COL6A6: variants seen among roughly 807,000 people sequenced by gnomAD.
COL6A6 encodes the protein collagen alpha-6(VI) chain.
In COL6A6, 183 loss-of-function variants were observed where a neutral mutation model predicts 208.6. The ratio of observed to expected loss-of-function variants is 0.88; its 90% CI spans 0.78 to 0.99. COL6A6 has a LOEUF of 0.99. Ranked by LOEUF, COL6A6 falls within the 50% of genes least tolerant of loss-of-function variation. The pLI is 0.00. For missense variants in COL6A6, 2,816 were observed against 2,815.2 expected (o/e 1.00, Z -0.01); for synonymous variants, 973 against 1,011.8 (o/e 0.96, Z 0.73).
chr3:130,571,657 GTTGTTTTGTT>G lies in COL6A6; in HGVS notation c.2977+278_2977+287del, dbSNP rs540206506. On this transcript the variant is annotated intron_variant, in intron 7 of 36. Transcript: ENST00000358511. ...TCTTCTAATGATGGGAAATTCAAAA[GTTGTTTTGTT>G]TTGTTTTGTTTTGGCTTTTTTTTTA... is the stretch of plus-strand genomic sequence containing the variant. Among the ~76,000 whole-genome samples the G allele has an allele frequency of 2.4e-3, 359 of 152,016 alleles. 2 individuals are homozygous for G. Among genetic ancestry groups the G allele is most frequent in the South Asian group, 0.012 (58 of 4,804 alleles).
intron 8 of COL6A6, 42 bp from the exon 9 acceptor site, chr3:130,581,519 G>C: frequency 7.1e-7 from 1 of 1,417,770 alleles, no homozygotes; most frequent in Non-Finnish European, 9.6e-7. Flanking sequence ...AAATAAAGGC[G>C]TTTGTTGATT....
rs2066354088 is a variant in COL6A6, at chr3:130,676,172, G to A, written c.*775G>A. ...AATCCATATATTCTTTAGACAAGGA[G>A]AGTCAAGAAACTACTTGTCATAGAT... is the stretch of plus-strand genomic sequence containing the variant. On this transcript the variant is annotated 3_prime_UTR_variant, in exon 37 of 37. Transcript: ENST00000358511. 6.6e-6 allele frequency: 1 copy of A among 152,172 alleles called. No homozygotes were observed. Among genetic ancestry groups the A allele is most frequent in the African/African-American group, 2.4e-5 (1 of 41,440 alleles). 9.4% of individuals were successfully genotyped at this position (152,172 alleles called of 1,614,324 possible).
At chr3:130,593,533 T>G (rs528710742) in intron 17 of COL6A6, among the ~76,000 whole-genome samples, 59 of 152,304 alleles carry the variant, frequency 3.9e-4, no homozygotes, top group African/African-American at 1.4e-3. Context: ...GCCATGACCT[T>G]TTTATGCCCA....
intron 1 of COL6A6, among the ~76,000 whole-genome samples, chr3:130,541,924 T>G (rs188356834): frequency 6.6e-6 from 1 of 152,336 alleles, no homozygotes; most frequent in African/African-American, 2.4e-5. Context: ...CCATTTCATC[T>G]GAGTTATCAA....
At chr3:130,606,826 A>G in intron 20 of COL6A6, 105 bp from the exon 21 acceptor site, 1 of 772,880 alleles carries the variant, frequency 1.3e-6, no homozygotes, top group South Asian at 2.1e-5. Flanking sequence ...ACTATGTGGG[A>G]ATTGTTATGT....
At position 130,563,250 on chromosome 3, in the gene COL6A6, A is replaced by G; in HGVS notation, c.247A>G (p.Thr83Ala). Residue 83 changes from threonine (T) to alanine (A), a missense_variant, in exon 3 of 37, where the codon ACC becomes GCC. Transcript: ENST00000358511. ...DKLHSEFHLSTFKGRSPMLNH... is the reference protein window; with the variant it reads ...DKLHSEFHLSAFKGRSPMLNH... ...ACTTCACAGTGAATTCCACCTGAGC[A>G]CCTTCAAAGGCAGGAGCCCCATGCT... 1 of 1,614,030 alleles carries G rather than the reference A, an allele frequency of 6.2e-7. No homozygotes were observed. Among genetic ancestry groups the G allele is most frequent in the Non-Finnish European group, 8.5e-7 (1 of 1,179,900 alleles).
chr3:130,636,661 C>A (rs763648628), intron 28 of COL6A6, among the ~76,000 whole-genome samples: 5 of 151,774 alleles, frequency 3.3e-5, no homozygotes, highest in Non-Finnish European at 5.9e-5. Flanking sequence ...ACTATACGAT[C>A]TTTATGTATA....
At chr3:130,653,740 A>G (rs1320818296) in intron 33 of COL6A6, among the ~76,000 whole-genome samples, 1 of 152,180 alleles carries the variant, frequency 6.6e-6, no homozygotes, top group East Asian at 1.9e-4. Flanking sequence ...TTCCAGTGAT[A>G]TGTGGTAGGA....
At chr3:130,546,639 G>A (rs1181759575) in intron 1 of COL6A6, among the ~76,000 whole-genome samples, 1 of 152,088 alleles carries the variant, frequency 6.6e-6, no homozygotes, top group Non-Finnish European at 1.5e-5. Context: ...ATTTTGACAG[G>A]GTGCTGATTG....
At chr3:130,574,606 G>A (rs2063252442) in intron 8 of COL6A6, 81 bp downstream of exon 8, 1 of 1,104,650 alleles carries the variant, frequency 9.1e-7, no homozygotes, top group Admixed American at 2.2e-5. Context: ...GTCATCCCCT[G>A]GGGCTAGTGG....
At chr3:130,633,819 G>A (rs1358922463) in intron 26 of COL6A6, among the ~76,000 whole-genome samples, 1 of 22,620 alleles carries the variant, frequency 4.4e-5, no homozygotes, top group Non-Finnish European at 6.1e-5. Flanking sequence ...ACCAAACACC[G>A]CATATTCTCA....
At chr3:130,588,173 T>C (rs1203481558) in intron 11 of COL6A6, among the ~76,000 whole-genome samples, 1 of 152,214 alleles carries the variant, frequency 6.6e-6, no homozygotes, top group Non-Finnish European at 1.5e-5. Context: ...AATTTCATAA[T>C]GTCAGAAAAG....
chr3:130,642,789 T>A, intron 29 of COL6A6, 43 bp from the exon 30 acceptor site: 2 of 1,580,032 alleles, frequency 1.3e-6, no homozygotes, highest in Non-Finnish European at 1.7e-6. Flanking sequence ...TACTGATGTG[T>A]ATGTCTAGAG....
At chr3:130,578,184 C>G (rs1276471167) in intron 8 of COL6A6, among the ~76,000 whole-genome samples, 1 of 151,984 alleles carries the variant, frequency 6.6e-6, no homozygotes, top group Non-Finnish European at 1.5e-5. Flanking sequence ...TCTGATGTAT[C>G]TATCATTATG....
chr3:130,540,213 C>T (rs745850509), intron 1 of COL6A6, among the ~76,000 whole-genome samples: 1 of 152,192 alleles, frequency 6.6e-6, no homozygotes, highest in Non-Finnish European at 1.5e-5. Context: ...TTTAGCATCA[C>T]AGCAAAACGG....
intron 33 of COL6A6, 101 bp from the exon 34 acceptor site, chr3:130,658,575 G>T: frequency 1.3e-6 from 1 of 743,692 alleles, no homozygotes; most frequent in South Asian, 1.6e-5. Flanking sequence ...TTCTTAGAAG[G>T]AGCAGTGTTA....
At chr3:130,599,695 TAAAGAG>T (rs1237628929) in intron 19 of COL6A6, 56 bp from the exon 20 acceptor site, 1 of 1,566,612 alleles carries the variant, frequency 6.4e-7, no homozygotes, top group Non-Finnish European at 8.8e-7. Context: ...AAGTTGATGT[TAAAGAG>T]AAACTCTGTC....
At chr3:130,517,466 T>A (rs1271023954) in intron 1 of COL6A6, among the ~76,000 whole-genome samples, 69 bp downstream of exon 1, 1 of 152,346 alleles carries the variant, frequency 6.6e-6, no homozygotes, top group African/African-American at 2.4e-5. Flanking sequence ...AGTAGTTGGA[T>A]GGGAGGGACC....
chr3:130,574,446 G>A lies in COL6A6; in HGVS notation c.3468G>A (p.Leu1156=), dbSNP rs1050314003. The A allele has an allele frequency of 1.2e-6, 2 of 1,614,042 alleles. No homozygotes were observed. The highest frequency in any genetic ancestry group is 1.7e-6 in the Non-Finnish European group (2 of 1,179,906). Residue 1156 remains leucine, a synonymous_variant, in exon 8 of 37, where the codon CTG becomes CTA. Coordinates refer to ENST00000358511, the MANE Select transcript of COL6A6 (RefSeq NM_001102608.3). The stretch of plus-strand genomic sequence containing the variant: ...TCACCGGGACTGCAGAGAAAAAACT[G>A]ACAGTGCACAACTTCGATGAACTGA... ...IQITGTAEKK[L]TVHNFDELKK...
Sources: allele counts gnomAD v4.1 joint callset (sites outside exome capture counted in the v4.1 genomes callset), GRCh38; gene constraint gnomAD v4.1.1; transcripts MANE v1.5; gene names NCBI Gene and HGNC (gene_info 2026-07-23, HGNC 2026-07-21).